The following ADAMTS19 variants were observed in gnomAD, a reference collection of about 807,000 sequenced individuals.
ADAMTS19 encodes A disintegrin and metalloproteinase with thrombospondin motifs 19.
In ADAMTS19, 93 loss-of-function variants were observed where a neutral mutation model predicts 153.3. That is an observed-to-expected ratio of 0.61 (90% confidence interval 0.51 to 0.72). ADAMTS19 has a LOEUF of 0.72. Among genes scored for constraint, ADAMTS19 ranks in the 30% least tolerant of loss-of-function variants. The pLI is 0.00. For missense variants in ADAMTS19, 1,482 were observed against 1,552.1 expected, an observed-to-expected ratio of 0.95 and a Z score of 0.76; for synonymous variants, 600 against 556.6, an observed-to-expected ratio of 1.08 and a Z score of -1.10.
intron 2 of ADAMTS19, among the ~76,000 whole-genome samples, chr5:129,468,608 T>C (rs1749957997): frequency 6.6e-6 from 1 of 152,064 alleles, no homozygotes; most frequent in African/African-American, 2.4e-5. Context: ...CACCTTGGCC[T>C]CCCAAAGTGC....
chr5:129,593,038 T>C (rs1750218512), intron 7 of ADAMTS19, among the ~76,000 whole-genome samples: 1 of 152,162 alleles, frequency 6.6e-6, no homozygotes, highest in Non-Finnish European at 1.5e-5. Flanking sequence ...CATGACCACA[T>C]GATAGTCATT....
chr5:129,704,142 C>A, intron 20 of ADAMTS19, 97 bp from the exon 21 acceptor site: 1 of 1,296,594 alleles, frequency 7.7e-7, no homozygotes, highest in Non-Finnish European at 1.1e-6. Flanking sequence ...GGGTGATGGG[C>A]TCATAACAGA....
At chr5:129,693,616 A>G (rs962463051) in intron 18 of ADAMTS19, among the ~76,000 whole-genome samples, 35 of 152,222 alleles carry the variant, frequency 2.3e-4, no homozygotes, top group Admixed American at 2.2e-3. Flanking sequence ...AAATCTGTAT[A>G]TAAGACTTTT....
chr5:129,536,812 C>CA (rs1752449818), intron 6 of ADAMTS19, among the ~76,000 whole-genome samples: 1 of 149,894 alleles, frequency 6.7e-6, no homozygotes, highest in South Asian at 2.1e-4. Context: ...ATCACAAGGA[C>CA]AAAAACAAAC....
At chr5:129,536,169 A>C (rs919572271) in intron 6 of ADAMTS19, among the ~76,000 whole-genome samples, 2 of 152,216 alleles carry the variant, frequency 1.3e-5, no homozygotes, top group African/African-American at 4.8e-5. Context: ...TCATCTGACA[A>C]AGGGCTAATA....
intron 16 of ADAMTS19, among the ~76,000 whole-genome samples, chr5:129,668,512 G>A (rs527512163): frequency 1.3e-5 from 2 of 152,206 alleles, no homozygotes; most frequent in East Asian, 3.9e-4. Context: ...TCACATGGTG[G>A]AAGGAGCTAG....
At chr5:129,553,310 TAAG>T (rs1212565659) in intron 7 of ADAMTS19, among the ~76,000 whole-genome samples, 1 of 152,140 alleles carries the variant, frequency 6.6e-6, no homozygotes, top group Admixed American at 6.6e-5. Context: ...CAGCTACTAA[TAAG>T]AAGAACCAAT....
At chr5:129,537,067 TA>T (rs200529582) in intron 6 of ADAMTS19, among the ~76,000 whole-genome samples, 89 of 150,688 alleles carry the variant, frequency 5.9e-4, no homozygotes, top group Non-Finnish European at 1.2e-3. Flanking sequence ...AATAATAATT[TA>T]AAAAAAAGAA....
intron 7 of ADAMTS19, among the ~76,000 whole-genome samples, chr5:129,560,297 T>A (rs1361419156): frequency 6.6e-6 from 1 of 152,208 alleles, no homozygotes; most frequent in Non-Finnish European, 1.5e-5. Context: ...GCTATAACTT[T>A]TTTTTAGGGA....
intron 7 of ADAMTS19, among the ~76,000 whole-genome samples, chr5:129,571,907 A>G (rs1008275870): frequency 3.3e-5 from 5 of 151,888 alleles, no homozygotes; most frequent in Admixed American, 2.6e-4. Context: ...TCCAATGAAA[A>G]AAGTTTTATC....
intron 15 of ADAMTS19, among the ~76,000 whole-genome samples, chr5:129,659,808 C>G (rs25814): frequency 0.17 from 25,229 of 151,898 alleles, 2,360 homozygotes; most frequent in East Asian, 0.3. Flanking sequence ...AGACTGGTCT[C>G]AACTCCTGGG....
At chr5:129,533,008 C>T (rs1752266398) in intron 6 of ADAMTS19, among the ~76,000 whole-genome samples, 2 of 152,048 alleles carry the variant, frequency 1.3e-5, no homozygotes, top group African/African-American at 4.8e-5. Context: ...GAGGCTGAGG[C>T]AGGAGAATTG....
chr5:129,483,893 T>C (rs1580994752), intron 2 of ADAMTS19, among the ~76,000 whole-genome samples: 2 of 152,104 alleles, frequency 1.3e-5, no homozygotes, highest in Non-Finnish European at 1.5e-5. Flanking sequence ...GAAAATGATG[T>C]CTTTGAATGG....
chr5:129,471,447 AAAAG>A (rs1329572112), intron 2 of ADAMTS19, among the ~76,000 whole-genome samples: 1 of 117,648 alleles, frequency 8.5e-6, no homozygotes, highest in Non-Finnish European at 1.6e-5. Flanking sequence ...GAAAGAAAGA[AAAAG>A]AAGGAAGGAA....
At chr5:129,647,726 G>A (rs2127039580) in intron 11 of ADAMTS19, 39 bp from the exon 12 acceptor site, 1 of 1,602,978 alleles carries the variant, frequency 6.2e-7, no homozygotes. Flanking sequence ...TTTCAGTTGT[G>A]CCCTGATTTG....
chr5:129,549,980 ATGTATC>A (rs1225948764), intron 6 of ADAMTS19, among the ~76,000 whole-genome samples: 17 of 140,716 alleles, frequency 1.2e-4, no homozygotes, highest in African/African-American at 1.6e-4. Context: ...ATACATATAC[ATGTATC>A]TGTATATGTA....
intron 7 of ADAMTS19, among the ~76,000 whole-genome samples, chr5:129,575,228 G>A (rs1402207534): frequency 6.6e-6 from 1 of 151,980 alleles, no homozygotes; most frequent in African/African-American, 2.4e-5. Flanking sequence ...GTTTGAGTTG[G>A]TTTGTAGTTG....
In ADAMTS19 at chr5:129,491,865, A is replaced by T. The variant is rs373560166; in HGVS notation, c.748-17212A>T. 4.8e-3 allele frequency among the ~76,000 whole-genome samples: 731 copies of T among 152,206 alleles called. 4 individuals are homozygous for T. Among genetic ancestry groups the T allele is most frequent in the Non-Finnish European group, 6.8e-3 (460 of 68,032 alleles). On this transcript the variant is annotated intron_variant, in intron 2 of 22. Coordinates refer to ENST00000274487, the MANE Select transcript of ADAMTS19 (RefSeq NM_133638.6). ...ATGTTACTTAATTATTATTTAAAAA[A>T]ACTCACAATATTTGCATTTTCTTGT...
In ADAMTS19 at chr5:129,658,349, GAAAGAAAGAA is replaced by G. The variant is rs1561632411; in HGVS notation, c.2305-266_2305-257del. Among the ~76,000 whole-genome samples the G allele has an allele frequency of 1.9e-4, 29 of 149,888 alleles. 1 individual carries two copies. Among genetic ancestry groups the G allele is most frequent in the South Asian group, 1.9e-3 (9 of 4,716 alleles). ...AGAAAGAAAGAAAGAAAGAAAGAAA[GAAAGAAAGAA>G]AGAAAGAAAGAGAGAGAGGAAGGAA... On this transcript the variant is annotated intron_variant, in intron 14 of 22. Coordinates refer to ENST00000274487, the MANE Select transcript of ADAMTS19 (RefSeq NM_133638.6).
Sources: gnomAD v4.1 joint callset for allele counts (sites outside exome capture counted in the v4.1 genomes callset) on GRCh38, gnomAD v4.1.1 for gene constraint, MANE v1.5 for transcripts, NCBI Gene and HGNC (gene_info 2026-07-23, HGNC 2026-07-21) for gene names.